NEO1: variants seen among roughly 807,000 people sequenced by gnomAD.
NEO1 encodes the protein neogenin.
Under a neutral mutation model 159.7 loss-of-function variants are expected in NEO1, and 63 were observed. That is an observed-to-expected ratio of 0.39 (90% confidence interval 0.32 to 0.49). The LOEUF is 0.49. NEO1 is among the 20% of genes least tolerant of loss of function. NEO1 has a pLI of 0.85. For synonymous variants in NEO1, 633 were observed against 662.0 expected (o/e 0.96, Z 0.67); for missense variants, 1,615 against 1,831.0 (o/e 0.88, Z 2.15).
At chr15:73,255,790 A>G (rs2040313790) in intron 13 of NEO1, 1 of 152,200 alleles carries the variant, frequency 6.6e-6, no homozygotes, top group Admixed American at 6.5e-5. Context: ...CTGTTGGAGT[A>G]TTGCCTCAGC....
At chr15:73,095,934 A>G (rs1296472192) in intron 1 of NEO1, among the ~76,000 whole-genome samples, 1 of 152,214 alleles carries the variant, frequency 6.6e-6, no homozygotes, top group African/African-American at 2.4e-5. Context: ...AGCCCCTATC[A>G]GAGCAGTATG....
At chr15:73,240,811 T>C (rs2039453564) in intron 8 of NEO1, among the ~76,000 whole-genome samples, 1 of 152,224 alleles carries the variant, frequency 6.6e-6, no homozygotes, top group Non-Finnish European at 1.5e-5. Flanking sequence ...AATAGTTTTT[T>C]GTTGCTTCAT....
At chr15:73,162,348 T>C (rs944375794) in intron 5 of NEO1, 1 of 190,230 alleles carries the variant, frequency 5.3e-6, no homozygotes, top group Non-Finnish European at 1.1e-5. Context: ...CAAATCATCA[T>C]GTTCAAAGTT....
intron 5 of NEO1, among the ~76,000 whole-genome samples, chr15:73,142,750 C>T (rs948794722): frequency 6.6e-5 from 10 of 152,140 alleles, no homozygotes; most frequent in South Asian, 2.1e-4. Context: ...CTCAAGAGTG[C>T]GTCAGATCTG....
At chr15:73,292,156 C>G (rs758075334) in intron 25 of NEO1, among the ~76,000 whole-genome samples, 1 of 152,190 alleles carries the variant, frequency 6.6e-6, no homozygotes, top group Non-Finnish European at 1.5e-5. Context: ...GGGTCCCAGT[C>G]ATGCCACCTG....
intron 1 of NEO1, among the ~76,000 whole-genome samples, chr15:73,066,102 G>A (rs975044493): frequency 6.7e-6 from 1 of 149,570 alleles, no homozygotes; most frequent in African/African-American, 2.4e-5. Context: ...CATGATCTTG[G>A]CTCACTGCAG....
chr15:73,223,375 G>A (rs1464227514), intron 7 of NEO1, among the ~76,000 whole-genome samples: 1 of 152,114 alleles, frequency 6.6e-6, no homozygotes, highest in Non-Finnish European at 1.5e-5. Context: ...TGCTGTCAGT[G>A]GAGTATTGAA....
chr15:73,135,863 C>CTTT lies in NEO1; in HGVS notation c.879-10_879-8dup, dbSNP rs376822156. The CTTT allele has an allele frequency of 1.3e-4, 165 of 1,293,314 alleles. No individual in the cohort carries two copies. The African/African-American group carries it at 1.3e-3, about 10-fold the overall frequency. The allele number at this position is 1,293,314 out of a possible 1,614,324, so 80.1% of individuals were successfully genotyped here. A position where few individuals can be genotyped will look rare whatever the true frequency, so the allele number is the denominator to read the frequency against. On this transcript the variant is annotated intron_variant, in intron 4 of 28. Transcript: ENST00000261908. ...TTATTTTCCTAGTACTGAAATGTAT[C>CTTT]TTTTTTTTTTTTTTTTTTTTAACAC...
intron 5 of NEO1, among the ~76,000 whole-genome samples, chr15:73,168,479 G>A (rs1317871143): frequency 6.6e-6 from 1 of 151,792 alleles, no homozygotes; most frequent in Non-Finnish European, 1.5e-5. Context: ...GATTACAGGT[G>A]TGAGCCACCG....
chr15:73,279,322 A>G (rs1284722376), intron 22 of NEO1, among the ~76,000 whole-genome samples: 1 of 124,670 alleles, frequency 8.0e-6, no homozygotes, highest in East Asian at 2.2e-4. Flanking sequence ...TCACTCATGC[A>G]TGCATGTTTT....
intron 5 of NEO1, among the ~76,000 whole-genome samples, chr15:73,139,367 A>G (rs949545503): frequency 6.6e-6 from 1 of 152,198 alleles, no homozygotes; most frequent in Non-Finnish European, 1.5e-5. Context: ...CAGTAATGGA[A>G]ACAATCAACA....
chr15:73,280,208 C>G (rs1046767146), intron 22 of NEO1, among the ~76,000 whole-genome samples: 3 of 151,892 alleles, frequency 2.0e-5, no homozygotes, highest in Non-Finnish European at 4.4e-5. Flanking sequence ...ATCACTTGAA[C>G]CCGGGAGGCA....
intron 7 of NEO1, among the ~76,000 whole-genome samples, chr15:73,211,339 A>G (rs936185452): frequency 1.3e-5 from 2 of 152,346 alleles, no homozygotes; most frequent in Non-Finnish European, 2.9e-5. Flanking sequence ...TTTCTGTAGC[A>G]TAAGATGCCC....
chr15:73,116,754 G>T lies in NEO1; in HGVS notation c.345G>T (p.Val115=). 6.2e-7 allele frequency: 1 copy of T among 1,613,938 alleles called. No individual in the cohort carries two copies. The highest frequency in any genetic ancestry group is 1.3e-5 in the African/African-American group (1 of 75,004). ...PDGSLFISNV[V]HSKHNKPDEG... is the part of the protein sequence containing the mutation. Reference sequence around the variant, plus strand: ...GATCTTTATTTATCAGCAATGTGGTGCATTCCAAACACAATAAACCTGATG... The same window carrying T: ...GATCTTTATTTATCAGCAATGTGGTTCATTCCAAACACAATAAACCTGATG... Residue 115 remains valine, a synonymous_variant, in exon 2 of 29, where the codon GTG becomes GTT. Transcript: ENST00000261908.
intron 1 of NEO1, among the ~76,000 whole-genome samples, chr15:73,083,242 TGTG>T (rs1417784869): frequency 5.9e-5 from 9 of 151,972 alleles, no homozygotes; most frequent in Non-Finnish European, 1.3e-4. Context: ...AGAAAGCAAT[TGTG>T]GTAGTTGTGG....
chr15:73,051,982 C>G (rs1056166961), upstream of NEO1: 6 of 152,106 alleles, frequency 3.9e-5, no homozygotes, highest in Admixed American at 3.9e-4. Flanking sequence ...CAGCCAGAGG[C>G]ATCTGGGGAG....
intron 7 of NEO1, among the ~76,000 whole-genome samples, chr15:73,215,199 C>T (rs959349527): frequency 7.9e-5 from 12 of 152,068 alleles, no homozygotes; most frequent in African/African-American, 2.4e-4. Context: ...GGGTTTTCAG[C>T]GTAAACTATC....
chr15:73,077,764 CT>C (rs148473411), intron 1 of NEO1, among the ~76,000 whole-genome samples: 2,181 of 152,242 alleles, frequency 0.014, 49 homozygotes, highest in African/African-American at 0.05. Context: ...AAAAATAATA[CT>C]GCTGAGGAGA....
chr15:73,249,002 G>A, intron 9 of NEO1, 58 bp from the exon 10 acceptor site: 1 of 1,562,410 alleles, frequency 6.4e-7, no homozygotes, highest in South Asian at 1.2e-5. Flanking sequence ...GCCAAGAATG[G>A]TTATTGAGGA....
Sources: allele counts gnomAD v4.1 joint callset (sites outside exome capture counted in the v4.1 genomes callset), GRCh38; gene constraint gnomAD v4.1.1; transcripts MANE v1.5; gene names NCBI Gene and HGNC (gene_info 2026-07-23, HGNC 2026-07-21).